Variants in TASP1 observed in about 807,000 individuals in gnomAD.
TASP1 encodes threonine aspartase 1.
Under a neutral mutation model 56.6 loss-of-function variants are expected in TASP1, and 16 were observed. The ratio of observed to expected loss-of-function variants is 0.28; its 90% CI spans 0.19 to 0.43. TASP1 has a LOEUF of 0.43. Ranked by LOEUF, TASP1 falls within the 20% of genes least tolerant of loss-of-function variation. TASP1 has a pLI of 1.00. For missense variants in TASP1, 393 were observed against 511.6 expected, an observed-to-expected ratio of 0.77 and a Z score of 2.24; for synonymous variants, 179 against 184.2, an observed-to-expected ratio of 0.97 and a Z score of 0.23.
chr20:13,513,484 G>A (rs761535845), intron 10 of TASP1, among the ~76,000 whole-genome samples: 4 of 152,060 alleles, frequency 2.6e-5, no homozygotes, highest in African/African-American at 4.8e-5. Flanking sequence ...GAAAAGAGAA[G>A]ATATTTAGCT....
At chr20:13,416,171 C>T (rs992319217) in intron 13 of TASP1, among the ~76,000 whole-genome samples, 2 of 152,174 alleles carry the variant, frequency 1.3e-5, no homozygotes, top group Non-Finnish European at 2.9e-5. Context: ...CTAGTAGCTT[C>T]CCTGTTGGAA....
chr20:13,625,404 T>A (rs1275265652), intron 2 of TASP1, 152 bp from the exon 3 acceptor site: 2 of 507,924 alleles, frequency 3.9e-6, no homozygotes, highest in Non-Finnish European at 6.7e-6. Flanking sequence ...TACTCCAGTG[T>A]AAGCCTTTTT....
intron 7 of TASP1, among the ~76,000 whole-genome samples, chr20:13,563,298 C>T (rs1443033586): frequency 6.6e-6 from 1 of 151,748 alleles, no homozygotes; most frequent in Non-Finnish European, 1.5e-5. Context: ...ATAATCCAAA[C>T]TCTCCCGGCA....
At chr20:13,160,148 G>A in the TASP1 span, 4 of 1,610,604 alleles carry the variant, frequency 2.5e-6, no homozygotes, top group South Asian at 1.1e-5. Context: ...TACACCACAG[G>A]CCAACGGGAT....
intron 4 of TASP1, among the ~76,000 whole-genome samples, chr20:13,616,319 AT>A (rs1053347818): frequency 6.6e-6 from 1 of 152,148 alleles, no homozygotes; most frequent in African/African-American, 2.4e-5. Flanking sequence ...AATGAAGTAT[AT>A]TTTTGAGAGT....
chr20:13,487,825 A>G (rs2146542829), intron 10 of TASP1, among the ~76,000 whole-genome samples: 1 of 152,302 alleles, frequency 6.6e-6, no homozygotes, highest in South Asian at 2.1e-4. Flanking sequence ...AATAGTAAAT[A>G]TTTTAGGCTT....
intron 11 of TASP1, among the ~76,000 whole-genome samples, chr20:13,471,552 G>A (rs143260470): frequency 7.3e-4 from 111 of 152,258 alleles, no homozygotes; most frequent in Admixed American, 3.0e-3. Flanking sequence ...TTCTCTTTGA[G>A]AGTCTTTAGT....
chr20:13,471,728 G>C (rs2044501363), intron 11 of TASP1, among the ~76,000 whole-genome samples: 1 of 152,178 alleles, frequency 6.6e-6, no homozygotes, highest in South Asian at 2.1e-4. Flanking sequence ...AACAGGAACA[G>C]CTCTGGTATG....
intron 10 of TASP1, among the ~76,000 whole-genome samples, chr20:13,503,405 A>C (rs2146660255): frequency 6.6e-6 from 1 of 152,252 alleles, no homozygotes; most frequent in Admixed American, 6.5e-5. Context: ...CGAATAAAAG[A>C]CATGGAATAG....
At chr20:13,219,309 C>G in the TASP1 span, among the ~76,000 whole-genome samples, 6 of 152,294 alleles carry the variant, frequency 3.9e-5, no homozygotes, top group African/African-American at 1.4e-4. Flanking sequence ...TATTTCGGCG[C>G]TGATTCTCCA....
intron 13 of TASP1, among the ~76,000 whole-genome samples, chr20:13,416,053 T>G (rs920296946): frequency 3.3e-5 from 5 of 152,222 alleles, no homozygotes; most frequent in African/African-American, 9.6e-5. Flanking sequence ...CTGTTCAATA[T>G]GGTAGCCACG....
chr20:13,341,786 C>T, the TASP1 span, among the ~76,000 whole-genome samples: 1 of 152,294 alleles, frequency 6.6e-6, no homozygotes, highest in African/African-American at 2.4e-5. Context: ...GCCAGGCTCT[C>T]TCATGCATCT....
intron 11 of TASP1, among the ~76,000 whole-genome samples, chr20:13,471,864 G>A (rs2044510657): frequency 6.6e-6 from 1 of 152,158 alleles, no homozygotes; most frequent in African/African-American, 2.4e-5. Flanking sequence ...AAAGCAGGGT[G>A]CGGCATCGCC....
the TASP1 span, among the ~76,000 whole-genome samples, chr20:13,262,075 TG>T: frequency 2.6e-5 from 4 of 152,200 alleles, no homozygotes; most frequent in Non-Finnish European, 5.9e-5. Context: ...CTCTTCAAAT[TG>T]GGTCCTGGAA....
the TASP1 span, chr20:13,168,896 T>C: frequency 6.6e-6 from 1 of 152,200 alleles, no homozygotes; most frequent in South Asian, 2.1e-4. Context: ...TAAATATTTT[T>C]AGGTAATTAT....
chr20:13,174,147 T>C, the TASP1 span, among the ~76,000 whole-genome samples: 2 of 152,306 alleles, frequency 1.3e-5, no homozygotes, highest in Admixed American at 1.3e-4. Flanking sequence ...AATTTACATA[T>C]GGTAGGTTCT....
At chr20:13,142,446 GGAAC>G in the TASP1 span, among the ~76,000 whole-genome samples, 4 of 152,190 alleles carry the variant, frequency 2.6e-5, no homozygotes, top group African/African-American at 9.7e-5. Flanking sequence ...AGGGTAAAGG[GGAAC>G]TGGTATTCCA....
In TASP1 at chr20:13,483,235, T is replaced by G; in HGVS notation, c.977A>C (p.Lys326Thr). The G allele has an allele frequency of 6.3e-7, 1 of 1,578,970 alleles. No homozygotes were observed. The highest frequency in any genetic ancestry group is 8.6e-7 in the Non-Finnish European group (1 of 1,163,450). The change falls in exon 11 of 14, where the codon AAG (lysine) becomes ACG (threonine). Residue 326 changes from lysine (K) to threonine (T), a missense_variant. By Grantham distance (78) the Lys-to-Thr change is moderately conservative (BLOSUM62 -1). Transcript: ENST00000337743. Reference protein sequence around the residue: ...HQALLETMQNKFISSPFLASE... With the variant: ...HQALLETMQNTFISSPFLASE... ...CTTAATGTTATACTTACTGATAAAC[T>G]TGTTTTGCATAGTCTCCAACAGGGC...
chr20:13,289,088 T>C, the TASP1 span, among the ~76,000 whole-genome samples: 64 of 152,226 alleles, frequency 4.2e-4, no homozygotes, highest in Non-Finnish European at 4.7e-4. Flanking sequence ...GTAACTACTT[T>C]TCTAATAAGA....
Sources: allele counts gnomAD v4.1 joint callset (sites outside exome capture counted in the v4.1 genomes callset), GRCh38; gene constraint gnomAD v4.1.1; transcripts MANE v1.5; gene names NCBI Gene and HGNC (gene_info 2026-07-23, HGNC 2026-07-21).